The following RAB2A variants were observed in gnomAD, a reference collection of about 807,000 sequenced individuals.
RAB2A encodes the protein ras-related protein Rab-2A.
A neutral mutation model predicts 32.5 loss-of-function variants in RAB2A; 7 were observed. The ratio of observed to expected loss-of-function variants is 0.22; its 90% CI spans 0.12 to 0.40. RAB2A has a LOEUF of 0.40. Among genes scored for constraint, RAB2A ranks in the 10% least tolerant of loss-of-function variants. The pLI is 1.00. For missense variants in RAB2A, 108 were observed against 260.7 expected, an observed-to-expected ratio of 0.41 and a Z score of 4.03; for synonymous variants, 79 against 85.2, an observed-to-expected ratio of 0.93 and a Z score of 0.40.
chr8:60,519,507 A>ATAT (rs1326888116), intron 1 of RAB2A, among the ~76,000 whole-genome samples: 1 of 152,128 alleles, frequency 6.6e-6, no homozygotes, highest in Non-Finnish European at 1.5e-5. Context: ...CAGTCAACAT[A>ATAT]TATTAAGCTC....
intron 5 of RAB2A, 140 bp from the exon 6 acceptor site, chr8:60,591,718 C>A (rs1244536927): frequency 3.6e-6 from 2 of 555,174 alleles, no homozygotes; most frequent in Non-Finnish European, 6.6e-6. Context: ...CTCATAATAC[C>A]CTGAATAATA....
At chr8:60,586,906 G>A (rs956798989) in intron 5 of RAB2A, among the ~76,000 whole-genome samples, 22 of 150,412 alleles carry the variant, frequency 1.5e-4, no homozygotes, top group Admixed American at 4.0e-4. Context: ...CTCCAGCCTG[G>A]GCAAAAGAGC....
intron 6 of RAB2A, among the ~76,000 whole-genome samples, chr8:60,606,504 G>A (rs1194933424): frequency 6.6e-6 from 1 of 152,046 alleles, no homozygotes; most frequent in Non-Finnish European, 1.5e-5. Flanking sequence ...ATTTAAAATG[G>A]CACCCAAGAC....
At chr8:60,550,832 C>T (rs986773233) in intron 1 of RAB2A, among the ~76,000 whole-genome samples, 2 of 152,162 alleles carry the variant, frequency 1.3e-5, no homozygotes, top group Non-Finnish European at 1.5e-5. Context: ...TTACAGAGTT[C>T]TTTAGGTTCT....
At chr8:60,531,883 A>T (rs1353181900) in intron 1 of RAB2A, among the ~76,000 whole-genome samples, 2 of 150,552 alleles carry the variant, frequency 1.3e-5, no homozygotes, top group Non-Finnish European at 3.0e-5. Context: ...GCTCACTGCA[A>T]CCTCTGCCTC....
intron 1 of RAB2A, among the ~76,000 whole-genome samples, chr8:60,547,721 C>T (rs1807762285): frequency 1.7e-5 from 2 of 118,004 alleles, no homozygotes; most frequent in African/African-American, 3.2e-5. Context: ...CCCCACCTCC[C>T]TCCCGGACGG....
intron 6 of RAB2A, among the ~76,000 whole-genome samples, chr8:60,616,089 G>T (rs1262209237): frequency 1.3e-5 from 2 of 152,102 alleles, no homozygotes; most frequent in Admixed American, 6.6e-5. Context: ...GGAGTTAATT[G>T]CATGCCTTTC....
intron 1 of RAB2A, among the ~76,000 whole-genome samples, chr8:60,532,297 A>C (rs1323777746): frequency 2.0e-5 from 3 of 152,220 alleles, no homozygotes; most frequent in Non-Finnish European, 4.4e-5. Context: ...AACTGTGTCA[A>C]AGGGAAAGTA....
chr8:60,615,866 C>T (rs889972431), intron 6 of RAB2A, among the ~76,000 whole-genome samples: 2 of 152,022 alleles, frequency 1.3e-5, no homozygotes, highest in Non-Finnish European at 2.9e-5. Context: ...GCAAAGGACT[C>T]ATTAAAATTA....
At chr8:60,530,134 A>AT (rs755680882) in intron 1 of RAB2A, among the ~76,000 whole-genome samples, 1,430 of 124,342 alleles carry the variant, frequency 0.012, 31 homozygotes, top group African/African-American at 0.042. Flanking sequence ...CACCTGGCTA[A>AT]TTTTTTTTTC....
intron 1 of RAB2A, among the ~76,000 whole-genome samples, chr8:60,536,736 A>G (rs1023962380): frequency 6.6e-6 from 1 of 152,204 alleles, no homozygotes; most frequent in Non-Finnish European, 1.5e-5. Flanking sequence ...TAGAATTGCT[A>G]GTTGGAAAGT....
intron 2 of RAB2A, among the ~76,000 whole-genome samples, chr8:60,563,448 A>G (rs920935870): frequency 1.1e-4 from 17 of 152,172 alleles, no homozygotes; most frequent in Non-Finnish European, 2.2e-4. Context: ...TCGCCAAGTG[A>G]TTCATATGGG....
rs745967049 is a variant in RAB2A, at chr8:60,517,714, C to T, written c.46+461C>T. ...CCAACCTTCCTCCACCAGCACGCATCTATCAAGGCCTGGGCAAGGCGCTTT... is the reference window on the plus strand; with the variant it reads ...CCAACCTTCCTCCACCAGCACGCATTTATCAAGGCCTGGGCAAGGCGCTTT... On this transcript the variant is annotated intron_variant, in intron 1 of 7. Transcript: ENST00000262646. Among the ~76,000 whole-genome samples, 23 of 152,282 alleles carry T rather than the reference C, an allele frequency of 1.5e-4. 1 individual carries two copies. The highest frequency in any genetic ancestry group is 3.4e-3 in the Middle Eastern group (1 of 294).
intron 2 of RAB2A, among the ~76,000 whole-genome samples, chr8:60,560,902 A>T (rs575737203): frequency 4.9e-4 from 74 of 152,286 alleles, no homozygotes; most frequent in African/African-American, 1.6e-3. Flanking sequence ...TAGACCCAAG[A>T]ATTGTTTGGA....
At chr8:60,604,943 T>C (rs1431443886) in intron 6 of RAB2A, among the ~76,000 whole-genome samples, 2 of 152,168 alleles carry the variant, frequency 1.3e-5, no homozygotes, top group Non-Finnish European at 2.9e-5. Context: ...AGGAACCAAA[T>C]GCTAATAGCC....
At chr8:60,551,662 A>G (rs978282566) in intron 1 of RAB2A, among the ~76,000 whole-genome samples, 1 of 152,102 alleles carries the variant, frequency 6.6e-6, no homozygotes, top group South Asian at 2.1e-4. Flanking sequence ...TTCAGTAGAA[A>G]CTGTATTTCA....
At chr8:60,578,589 T>C (rs1803681635) in intron 3 of RAB2A, among the ~76,000 whole-genome samples, 1 of 152,216 alleles carries the variant, frequency 6.6e-6, no homozygotes, top group Admixed American at 6.5e-5. Flanking sequence ...AAGAAAAAAT[T>C]CTTGTGAGAC....
chr8:60,612,905 C>T (rs1804378348), intron 6 of RAB2A, among the ~76,000 whole-genome samples: 1 of 152,186 alleles, frequency 6.6e-6, no homozygotes, highest in South Asian at 2.1e-4. Flanking sequence ...AAGGTGGCCC[C>T]TGCAGAATTG....
intron 1 of RAB2A, chr8:60,552,011 T>TCG (rs1586078100): frequency 6.9e-6 from 1 of 145,508 alleles, no homozygotes; most frequent in East Asian, 2.1e-4. Context: ...GTTTTTTTTT[T>TCG]TTTTTTTTTA....
Sources: allele counts gnomAD v4.1 joint callset (sites outside exome capture counted in the v4.1 genomes callset), GRCh38; gene constraint gnomAD v4.1.1; transcripts MANE v1.5; gene names NCBI Gene and HGNC (gene_info 2026-07-23, HGNC 2026-07-21).